Variants in NCOA3 observed in about 807,000 individuals in gnomAD.
NCOA3 encodes the protein nuclear receptor coactivator 3.
In NCOA3, 51 loss-of-function variants were observed where a neutral mutation model predicts 158.8. That is an observed-to-expected ratio of 0.32 (90% CI 0.26 to 0.41). The LOEUF (loss-of-function observed/expected upper bound fraction) is 0.41. Among genes scored for constraint, NCOA3 ranks in the 10% least tolerant of loss-of-function variants. The pLI is 1.00. For missense variants in NCOA3, 1,510 were observed against 1,746.6 expected, an observed-to-expected ratio of 0.86 and a Z score of 2.41; for synonymous variants, 537 against 592.4, an observed-to-expected ratio of 0.91 and a Z score of 1.36.
chr20:47,587,899 T>C (rs1295245102), intron 2 of NCOA3, among the ~76,000 whole-genome samples: 1 of 152,178 alleles, frequency 6.6e-6, no homozygotes, highest in Admixed American at 6.5e-5. Flanking sequence ...CTTATTATTA[T>C]GTGGGAATCC....
chr20:47,646,366 G>T (rs1329131328), intron 17 of NCOA3, among the ~76,000 whole-genome samples: 2 of 152,168 alleles, frequency 1.3e-5, no homozygotes, highest in Non-Finnish European at 2.9e-5. Context: ...CCATGGATAT[G>T]GAGGGCCAAC....
At chr20:47,524,931 TA>T (rs1408845742) in intron 1 of NCOA3, among the ~76,000 whole-genome samples, 2 of 152,236 alleles carry the variant, frequency 1.3e-5, no homozygotes, top group African/African-American at 2.4e-5. Context: ...TTTATTTATT[TA>T]TTTTTTTCTT....
chr20:47,520,992 T>C (rs1416030257), intron 1 of NCOA3, among the ~76,000 whole-genome samples: 1 of 152,240 alleles, frequency 6.6e-6, no homozygotes, highest in Non-Finnish European at 1.5e-5. Flanking sequence ...TTTGTGATCA[T>C]TCACGCACAT....
chr20:47,624,027 A>G lies in NCOA3; in HGVS notation c.200A>G (p.Asp67Gly), dbSNP rs764434836. 1 of 1,613,086 alleles carries G rather than the reference A, an allele frequency of 6.2e-7. No homozygotes were observed. The highest frequency in any genetic ancestry group is 1.1e-5 in the South Asian group (1 of 90,926). The change falls in exon 4 of 23, where the codon GAT becomes GGT. Residue 67 changes from aspartate to glycine, a missense_variant. Transcript: ENST00000371998. ...SDIDNFNVKP[D>G]KCAILKETVR... ...ATTGACAATTTCAATGTCAAACCAGATAAATGTGCGATTTTAAAGGAAACA... is the reference window on the plus strand; with the variant it reads ...ATTGACAATTTCAATGTCAAACCAGGTAAATGTGCGATTTTAAAGGAAACA...
chr20:47,647,942 T>C (rs1363159904), intron 18 of NCOA3, among the ~76,000 whole-genome samples: 1 of 145,508 alleles, frequency 6.9e-6, no homozygotes, highest in Non-Finnish European at 1.5e-5. Context: ...TGAGGTGGAG[T>C]CTTGCTCTGT....
At chr20:47,504,575 C>G (rs2083995855) in intron 1 of NCOA3, among the ~76,000 whole-genome samples, 2 of 144,640 alleles carry the variant, frequency 1.4e-5, no homozygotes, top group African/African-American at 5.1e-5. Context: ...GAAGCCAAGG[C>G]TGGTGGATCA....
intron 20 of NCOA3, 117 bp from the exon 21 acceptor site, chr20:47,652,289 T>TA: frequency 1.3e-6 from 1 of 775,300 alleles, no homozygotes; most frequent in Non-Finnish European, 2.1e-6. Context: ...ATCTTACACT[T>TA]ATCACTTCCC....
chr20:47,653,114 G>A, intron 22 of NCOA3, 42 bp downstream of exon 22: 1 of 1,607,322 alleles, frequency 6.2e-7, no homozygotes, highest in South Asian at 1.1e-5. Context: ...AGTTTTTCTT[G>A]TTCTCTGGAT....
intron 2 of NCOA3, among the ~76,000 whole-genome samples, chr20:47,602,276 T>C (rs1323022934): frequency 6.6e-6 from 1 of 152,218 alleles, no homozygotes; most frequent in Non-Finnish European, 1.5e-5. Context: ...ATGGTAGAAA[T>C]TAACTTTTTT....
chr20:47,624,309 G>T (rs571535628), intron 4 of NCOA3, among the ~76,000 whole-genome samples: 2 of 152,302 alleles, frequency 1.3e-5, no homozygotes, highest in Non-Finnish European at 2.9e-5. Flanking sequence ...ATCAGTAGGA[G>T]CCCTGAGCTT....
At chr20:47,585,120 C>T (rs947604011) in intron 2 of NCOA3, among the ~76,000 whole-genome samples, 5 of 132,402 alleles carry the variant, frequency 3.8e-5, no homozygotes, top group Admixed American at 8.6e-5. Context: ...GGTGTGATCT[C>T]GGCTTACTGC....
At chr20:47,600,158 T>TTA (rs936313008) in intron 2 of NCOA3, among the ~76,000 whole-genome samples, 4 of 142,944 alleles carry the variant, frequency 2.8e-5, no homozygotes, top group African/African-American at 8.2e-5. Flanking sequence ...TTTATATATT[T>TTA]TATATATATA....
At chr20:47,574,156 C>T (rs916983390) in intron 1 of NCOA3, among the ~76,000 whole-genome samples, 3 of 152,190 alleles carry the variant, frequency 2.0e-5, no homozygotes, top group East Asian at 1.9e-4. Flanking sequence ...CCACGTTTTG[C>T]GTTCGTCATA....
intron 6 of NCOA3, 150 bp downstream of exon 6, chr20:47,627,326 A>G: frequency 1.4e-6 from 1 of 737,204 alleles, no homozygotes; most frequent in Non-Finnish European, 2.2e-6. Flanking sequence ...ATATGGAGTC[A>G]GTGAATTAAA....
chr20:47,602,763 G>T (rs1407461571), intron 2 of NCOA3, among the ~76,000 whole-genome samples: 1 of 152,186 alleles, frequency 6.6e-6, no homozygotes, highest in African/African-American at 2.4e-5. Context: ...AGTCTAGTTT[G>T]TGGTGTGAAG....
chr20:47,618,902 TAAG>T (rs1449870662), intron 2 of NCOA3, among the ~76,000 whole-genome samples: 2 of 152,252 alleles, frequency 1.3e-5, no homozygotes, highest in Non-Finnish European at 2.9e-5. Flanking sequence ...TTTTGCATAT[TAAG>T]AGATTGTCAT....
chr20:47,599,577 T>A (rs1301374334), intron 2 of NCOA3, among the ~76,000 whole-genome samples: 1 of 152,248 alleles, frequency 6.6e-6, no homozygotes, highest in Non-Finnish European at 1.5e-5. Context: ...CTAGCTGATG[T>A]ATGCAAAACT....
At chr20:47,533,666 C>CACTTGTAACTTGTA (rs2084586972) in intron 1 of NCOA3, among the ~76,000 whole-genome samples, 1 of 152,114 alleles carries the variant, frequency 6.6e-6, no homozygotes, top group Non-Finnish European at 1.5e-5. Flanking sequence ...CACTGGCTCA[C>CACTTGTAACTTGTA]ACTTGTAACC....
chr20:47,533,231 G>A (rs1236511464), intron 1 of NCOA3, among the ~76,000 whole-genome samples: 3 of 143,650 alleles, frequency 2.1e-5, no homozygotes, highest in African/African-American at 7.8e-5. Context: ...GTTGCAGTGA[G>A]CTGAGAACAC....
Sources: gnomAD v4.1 joint callset for allele counts (sites outside exome capture counted in the v4.1 genomes callset) on GRCh38, gnomAD v4.1.1 for gene constraint, MANE v1.5 for transcripts, NCBI Gene and HGNC (gene_info 2026-07-23, HGNC 2026-07-21) for gene names.